COMMD9: variants seen among roughly 807,000 people sequenced by gnomAD.
COMMD9 encodes COMM domain containing 9, also known as COMM domain-containing protein 9.
COMMD9 carries 22 observed loss-of-function variants against 23.4 expected under a neutral mutation model. The observed-to-expected ratio is 0.94, with a 90% CI of 0.67 to 1.34. The LOEUF (loss-of-function observed/expected upper bound fraction) is 1.34, where lower values mean the gene tolerates loss of function less well. Ranked by LOEUF, COMMD9 falls within the 40% of genes most tolerant of loss-of-function variation. The probability of loss-of-function intolerance (pLI) is 0.00; values close to 1 mark genes in which losing one functional copy is unlikely to be tolerated. For synonymous variants in COMMD9, 99 were observed against 97.4 expected, an observed-to-expected ratio of 1.02 and a Z score of -0.10; for missense variants, 231 against 240.2, an observed-to-expected ratio of 0.96 and a Z score of 0.25.
intron 1 of COMMD9, among the ~76,000 whole-genome samples, chr11:36,284,587 C>T (rs1012883208): frequency 6.6e-6 from 1 of 152,192 alleles, no homozygotes; most frequent in African/African-American, 2.4e-5. Context: ...TTTCAAGTGT[C>T]CACTGAACAC....
rs1050815773 is a variant in COMMD9 at position 36,274,218 on chromosome 11, A to G, written c.*414T>C. 1.5e-5 allele frequency: 7 copies of G among 457,198 alleles called. No individual in the cohort carries two copies. Among genetic ancestry groups the G allele is most frequent in the Non-Finnish European group, 3.1e-5 (7 of 227,626 alleles). 28.3% of individuals were successfully genotyped at this position (457,198 alleles called of 1,614,324 possible). A position where few individuals can be genotyped will look rare whatever the true frequency, so the allele number is the denominator to read the frequency against. ...TGGCATCACCTGTCCGATTCCCTCC[A>G]TGTGTTCTGGGATTGGAAATGAACT... On this transcript the variant is annotated 3_prime_UTR_variant, in exon 6 of 6. Coordinates refer to ENST00000263401, the MANE Select transcript of COMMD9 (RefSeq NM_014186.4).
At chr11:36,287,114 G>A (rs1856174843) in intron 1 of COMMD9, among the ~76,000 whole-genome samples, 1 of 94,564 alleles carries the variant, frequency 1.1e-5, no homozygotes, top group Non-Finnish European at 2.3e-5. Context: ...CGCGTAGTAT[G>A]TATACTACAT....
At chr11:36,281,128 C>T (rs1215322709) in intron 1 of COMMD9, among the ~76,000 whole-genome samples, 1 of 152,086 alleles carries the variant, frequency 6.6e-6, no homozygotes, top group Non-Finnish European at 1.5e-5. Context: ...TGGTGAGTTC[C>T]CTGGATTTTT....
At chr11:36,286,493 G>A (rs758891239) in intron 1 of COMMD9, among the ~76,000 whole-genome samples, 2 of 151,674 alleles carry the variant, frequency 1.3e-5, no homozygotes, top group Non-Finnish European at 2.9e-5. Context: ...TAGCTACTTG[G>A]TAGACTGAGG....
Position 36,287,061 on chromosome 11 carries a change from A to G in COMMD9, c.51+2301T>C, listed in dbSNP as rs1416441233. Reference sequence around the variant, plus strand: ...AGTATGCTATATATGTATACTACATACTATGTATATCGCGTAGTATGTATA... The same window carrying G: ...AGTATGCTATATATGTATACTACATGCTATGTATATCGCGTAGTATGTATA... On this transcript the variant is annotated intron_variant, in intron 1 of 5. Transcript: ENST00000263401. Among the ~76,000 whole-genome samples, 75 of 150,958 alleles carry G rather than the reference A, an allele frequency of 5.0e-4. 2 individuals carry two copies. Among genetic ancestry groups the G allele is most frequent in the East Asian group, 9.8e-4 (5 of 5,126 alleles).
Position 36,274,649 on chromosome 11 carries a change from CAG to C in COMMD9, c.578_579del (p.Ser193CysfsTer5), listed in dbSNP as rs1242048823. ...DGLGRIRDQL[S>X]AVASK Reference sequence around the variant, plus strand: ...TGGCTGGATCATTTACTGGCCACGGCAGAGAGTTGGTCTCGGATGCGGCCCAG... The same window carrying C: ...TGGCTGGATCATTTACTGGCCACGGCAGAGTTGGTCTCGGATGCGGCCCAG... On this transcript the variant is annotated frameshift_variant, in exon 6 of 6. Transcript: ENST00000263401. LOFTEE classifies it high-confidence loss of function. 4 of 1,614,248 alleles carry C rather than the reference CAG, an allele frequency of 2.5e-6. No individual in the cohort carries two copies. The highest frequency in any genetic ancestry group is 1.3e-5 in the African/African-American group (1 of 75,076).
chr11:36,284,355 C>T (rs960704364), intron 1 of COMMD9, among the ~76,000 whole-genome samples: 19 of 152,030 alleles, frequency 1.2e-4, no homozygotes, highest in Non-Finnish European at 2.6e-4. Flanking sequence ...TGTGTATGTA[C>T]CCAACAACAG....
intron 2 of COMMD9, among the ~76,000 whole-genome samples, chr11:36,279,347 A>G (rs1410965744): frequency 6.6e-6 from 1 of 152,220 alleles, no homozygotes; most frequent in African/African-American, 2.4e-5. Context: ...TTGAAGTGTA[A>G]GAGGGGTTTA....
chr11:36,280,661 A>G, intron 2 of COMMD9, 51 bp downstream of exon 2: 1 of 1,506,268 alleles, frequency 6.6e-7, no homozygotes, highest in Non-Finnish European at 8.9e-7. Flanking sequence ...AAGTCAAGAA[A>G]GAGACTAATA....
chr11:36,281,648 C>A (rs1441985244), intron 1 of COMMD9, among the ~76,000 whole-genome samples: 4 of 152,156 alleles, frequency 2.6e-5, no homozygotes, highest in South Asian at 2.1e-4. Flanking sequence ...TGAGGTGGCA[C>A]CCCCTTCCCC....
At chr11:36,282,147 A>T (rs146363827) in intron 1 of COMMD9, among the ~76,000 whole-genome samples, 128 of 152,290 alleles carry the variant, frequency 8.4e-4, no homozygotes, top group African/African-American at 3.0e-3. Context: ...AGCCTCAGGG[A>T]CATGCGGGAC....
chr11:36,289,276 AG>A (rs1185062639), intron 1 of COMMD9, 85 bp downstream of exon 1: 1 of 1,337,028 alleles, frequency 7.5e-7, no homozygotes, highest in African/African-American at 1.5e-5. Context: ...GCTCCAAACC[AG>A]GGTCAATTTG....
At chr11:36,277,701 C>T (rs73441400) in intron 3 of COMMD9, among the ~76,000 whole-genome samples, 3,427 of 147,586 alleles carry the variant, frequency 0.023, 129 homozygotes, top group African/African-American at 0.079. Flanking sequence ...ACTTCCCAGC[C>T]AAGAAAATAT....
At position 36,274,894 on chromosome 11, in the gene COMMD9, T is replaced by C. The variant is rs1855945279; in HGVS notation, c.457-122A>G. 3.3e-6 allele frequency: 4 copies of C among 1,222,116 alleles called. No homozygotes were observed. The East Asian group carries it at 7.2e-5, about 22-fold the overall frequency. The allele number at this position is 1,222,116 out of a possible 1,614,324, so 75.7% of individuals were successfully genotyped here. A position where few individuals can be genotyped will look rare whatever the true frequency, so the allele number is the denominator to read the frequency against. On this transcript the variant is annotated intron_variant, in intron 5 of 5. Transcript: ENST00000263401. ...GAACCTCTGAAGAGAGGCTCTTTCC[T>C]AAGCACTAGAGAGTACCAGCCCTTG...
chr11:36,289,168 GT>G (rs1856224027), intron 1 of COMMD9, among the ~76,000 whole-genome samples, 193 bp downstream of exon 1: 1 of 151,828 alleles, frequency 6.6e-6, no homozygotes. Context: ...TTTATCTTAC[GT>G]TCCTGTCAAA....
intron 1 of COMMD9, among the ~76,000 whole-genome samples, chr11:36,289,156 T>A (rs1856223587): frequency 6.6e-6 from 1 of 152,158 alleles, no homozygotes; most frequent in African/African-American, 2.4e-5. Flanking sequence ...ATTTTATTTT[T>A]TTTTATCTTA....
intron 4 of COMMD9, 124 bp from the exon 5 acceptor site, chr11:36,276,364 G>A: frequency 1.5e-6 from 1 of 666,162 alleles, no homozygotes; most frequent in East Asian, 2.7e-5. Context: ...AAGTCTCTGA[G>A]AAAGACAGAT....
chr11:36,274,776 A>G lies in COMMD9; in HGVS notation c.457-4T>C. ...ATAGGCTGGGATCTTCTTGGATCTG[A>G]AACGAGAACACAGCCCAGAAAGTCA... On this transcript the variant is annotated splice_region_variant and splice_polypyrimidine_tract_variant and intron_variant, in intron 5 of 5. Transcript: ENST00000263401. 2 of 1,614,232 alleles carry G rather than the reference A, an allele frequency of 1.2e-6. No homozygotes were observed. The highest frequency in any genetic ancestry group is 1.7e-6 in the Non-Finnish European group (2 of 1,180,030).
chr11:36,282,873 C>T (rs921484391), intron 1 of COMMD9, among the ~76,000 whole-genome samples: 1 of 152,184 alleles, frequency 6.6e-6, no homozygotes, highest in Non-Finnish European at 1.5e-5. Flanking sequence ...CTGGCAACAC[C>T]TCAGAACCAG....
Sources: gnomAD v4.1 joint callset for allele counts (sites outside exome capture counted in the v4.1 genomes callset) on GRCh38, gnomAD v4.1.1 for gene constraint, MANE v1.5 for transcripts, NCBI Gene and HGNC (gene_info 2026-07-23, HGNC 2026-07-21) for gene names.